Variants in NPAS3 observed in about 807,000 individuals in gnomAD.
NPAS3 encodes the protein neuronal PAS domain protein 3.
NPAS3 carries 14 observed loss-of-function variants against 73.1 expected under a neutral mutation model. That is an observed-to-expected ratio of 0.19 (90% CI 0.13 to 0.30). The LOEUF (loss-of-function observed/expected upper bound fraction) is 0.30, where lower values mean the gene tolerates loss of function less well. Ranked by LOEUF, NPAS3 falls within the 10% of genes least tolerant of loss-of-function variation. The pLI is 1.00. For missense variants in NPAS3, 1,096 were observed against 1,250.0 expected (o/e 0.88, Z 1.86); for synonymous variants, 620 against 541.5 (o/e 1.14, Z -2.01).
At chr14:33,665,675 T>C (rs1001635462) in intron 5 of NPAS3, among the ~76,000 whole-genome samples, 2 of 152,150 alleles carry the variant, frequency 1.3e-5, no homozygotes, top group African/African-American at 4.8e-5. Context: ...TAAAATAATT[T>C]CAGAAGTTTT....
intron 5 of NPAS3, among the ~76,000 whole-genome samples, chr14:33,658,815 A>G (rs2059224364): frequency 6.6e-6 from 1 of 152,186 alleles, no homozygotes; most frequent in Admixed American, 6.5e-5. Context: ...CTAATAGTGT[A>G]TTAATAATGC....
intron 6 of NPAS3, among the ~76,000 whole-genome samples, chr14:33,722,282 G>T (rs919757127): frequency 7.2e-5 from 11 of 152,102 alleles, no homozygotes; most frequent in African/African-American, 2.7e-4. Flanking sequence ...TTTTGCCCAT[G>T]GTTTGAGAAA....
intron 1 of NPAS3, among the ~76,000 whole-genome samples, chr14:33,014,701 T>G (rs545744341): frequency 6.6e-6 from 1 of 152,218 alleles, no homozygotes; most frequent in African/African-American, 2.4e-5. Flanking sequence ...CTTCTTAGAT[T>G]ATTTTTTGAT....
chr14:33,034,134 G>A (rs1566487766), intron 1 of NPAS3, among the ~76,000 whole-genome samples: 2 of 151,702 alleles, frequency 1.3e-5, no homozygotes, highest in East Asian at 3.9e-4. Flanking sequence ...GGGGTTAATG[G>A]TTATTTCTTA....
chr14:33,727,519 C>T (rs1367113281), intron 6 of NPAS3, among the ~76,000 whole-genome samples: 1 of 151,744 alleles, frequency 6.6e-6, no homozygotes, highest in African/African-American at 2.4e-5. Flanking sequence ...TTTCGAGCTG[C>T]CTTCACAAAG....
intron 3 of NPAS3, among the ~76,000 whole-genome samples, chr14:33,264,319 G>A (rs548536680): frequency 6.6e-6 from 1 of 152,168 alleles, no homozygotes; most frequent in South Asian, 2.1e-4. Flanking sequence ...TATACCTAAT[G>A]TAAATGATGA....
At chr14:33,094,767 A>C (rs1398726515) in intron 2 of NPAS3, among the ~76,000 whole-genome samples, 1 of 152,162 alleles carries the variant, frequency 6.6e-6, no homozygotes, top group Non-Finnish European at 1.5e-5. Context: ...CGCCAGGCTG[A>C]TGAAGTAATA....
chr14:33,519,223 G>C (rs966403900), intron 4 of NPAS3, among the ~76,000 whole-genome samples: 1 of 152,074 alleles, frequency 6.6e-6, no homozygotes, highest in Non-Finnish European at 1.5e-5. Flanking sequence ...CCTTTTGTGC[G>C]AGTTTCCCTT....
chr14:33,363,949 T>TGTG (rs59258926), intron 3 of NPAS3, among the ~76,000 whole-genome samples: 1 of 46,032 alleles, frequency 2.2e-5, no homozygotes, highest in African/African-American at 5.4e-5. Flanking sequence ...TGTGTGTGTG[T>TGTG]TGTGTGTGTG....
intron 1 of NPAS3, among the ~76,000 whole-genome samples, chr14:32,957,418 CT>C (rs2036718761): frequency 6.7e-6 from 1 of 148,910 alleles, no homozygotes; most frequent in Admixed American, 6.7e-5. Context: ...GTGGCGCAGG[CT>C]GGAGTGCAGT....
chr14:33,287,675 C>T (rs1369160424), intron 3 of NPAS3, among the ~76,000 whole-genome samples: 1 of 152,186 alleles, frequency 6.6e-6, no homozygotes, highest in Non-Finnish European at 1.5e-5. Flanking sequence ...GTCCAGGACT[C>T]ATCAGAATAC....
At chr14:33,675,994 AC>A (rs199791392) in intron 5 of NPAS3, among the ~76,000 whole-genome samples, 89 of 152,130 alleles carry the variant, frequency 5.9e-4, no homozygotes, top group African/African-American at 2.1e-3. Flanking sequence ...AAAAAAAAAA[AC>A]TGAGCTTAAC....
At chr14:33,241,836 A>G (rs1033859313) in intron 3 of NPAS3, among the ~76,000 whole-genome samples, 7 of 152,192 alleles carry the variant, frequency 4.6e-5, no homozygotes, top group African/African-American at 1.7e-4. Flanking sequence ...CTTTATAAGC[A>G]TGTATGAATC....
chr14:33,006,757 C>T (rs960019551), intron 1 of NPAS3, among the ~76,000 whole-genome samples: 1 of 152,104 alleles, frequency 6.6e-6, no homozygotes, highest in Non-Finnish European at 1.5e-5. Context: ...CCTTCCATAA[C>T]GTTTCATAAT....
intron 1 of NPAS3, 106 bp from the exon 2 acceptor site, chr14:33,055,799 G>GGTGGT: frequency 2.9e-5 from 19 of 662,222 alleles, no homozygotes; most frequent in South Asian, 5.4e-5. Flanking sequence ...GAGCTCAAAA[G>GGTGGT]CGTAAAAAGC....
chr14:33,265,106 C>A (rs2049121272), intron 3 of NPAS3, among the ~76,000 whole-genome samples: 1 of 152,194 alleles, frequency 6.6e-6, no homozygotes, highest in South Asian at 2.1e-4. Context: ...TTTCTTGAAA[C>A]AAGGTCCCTC....
intron 5 of NPAS3, among the ~76,000 whole-genome samples, chr14:33,577,904 G>A (rs567741022): frequency 6.6e-6 from 1 of 152,154 alleles, no homozygotes; most frequent in African/African-American, 2.4e-5. Context: ...AGGGGGATTG[G>A]CTAACGAATC....
intron 2 of NPAS3, among the ~76,000 whole-genome samples, chr14:33,181,300 T>C (rs1279235495): frequency 1.3e-5 from 2 of 152,210 alleles, no homozygotes; most frequent in Non-Finnish European, 2.9e-5. Flanking sequence ...GAGGTATTTG[T>C]GGAGTTATTC....
chr14:33,670,171 A>AAGAT (rs1209442286), intron 5 of NPAS3, among the ~76,000 whole-genome samples: 1 of 152,170 alleles, frequency 6.6e-6, no homozygotes, highest in Non-Finnish European at 1.5e-5. Flanking sequence ...TTTATTTTTG[A>AAGAT]AGATAAAATA....
Sources: allele counts gnomAD v4.1 joint callset (sites outside exome capture counted in the v4.1 genomes callset), GRCh38; gene constraint gnomAD v4.1.1; transcripts MANE v1.5; gene names NCBI Gene and HGNC (gene_info 2026-07-23, HGNC 2026-07-21).